MLANA: variants seen among roughly 807,000 people sequenced by gnomAD.
The protein encoded by MLANA is melan-A.
Under a neutral mutation model 15.7 loss-of-function variants are expected in MLANA, and 21 were observed. That is an observed-to-expected ratio of 1.33 (90% confidence interval 0.95 to 1.92). MLANA has a LOEUF of 1.92. MLANA is among the 40% of genes most tolerant of loss of function. The probability of loss-of-function intolerance (pLI) is 0.00; values close to 1 mark genes in which losing one functional copy is unlikely to be tolerated. For synonymous variants in MLANA, 56 were observed against 51.5 expected, an observed-to-expected ratio of 1.09 and a Z score of -0.37; for missense variants, 164 against 143.8, an observed-to-expected ratio of 1.14 and a Z score of -0.72.
intron 3 of MLANA, among the ~76,000 whole-genome samples, chr9:5,902,057 C>T (rs2129956698): frequency 6.6e-6 from 1 of 152,278 alleles, no homozygotes; most frequent in Admixed American, 6.5e-5. Context: ...TTGCTTCTAT[C>T]TTCTGAAAGA....
At chr9:5,897,322 A>G (rs1018506967) in intron 2 of MLANA, among the ~76,000 whole-genome samples, 2 of 152,224 alleles carry the variant, frequency 1.3e-5, no homozygotes, top group Non-Finnish European at 2.9e-5. Context: ...GGGCCATGCC[A>G]ATTAGCAGAG....
In MLANA at chr9:5,896,369, T is replaced by C. The variant is rs75486872; in HGVS notation, c.78-1188T>C. On this transcript the variant is annotated intron_variant, in intron 2 of 4. Coordinates refer to ENST00000381477, the MANE Select transcript of MLANA (RefSeq NM_005511.2). ...TCATAGGTCTCAGCTTCCTGATCTA[T>C]AAAGCGGGTGGACTGACCTACATAA... Among the ~76,000 whole-genome samples the C allele has an allele frequency of 2.7e-3, 406 of 152,344 alleles. 1 individual carries two copies. Among genetic ancestry groups the C allele is most frequent in the Non-Finnish European group, 4.9e-3 (333 of 68,040 alleles).
chr9:5,903,174 T>C (rs921946668), intron 3 of MLANA, among the ~76,000 whole-genome samples: 4 of 152,228 alleles, frequency 2.6e-5, no homozygotes, highest in African/African-American at 4.8e-5. Flanking sequence ...AATTCTATTA[T>C]AGTCTAAGTG....
Sources: gnomAD v4.1 joint callset for allele counts (sites outside exome capture counted in the v4.1 genomes callset) on GRCh38, gnomAD v4.1.1 for gene constraint, MANE v1.5 for transcripts, NCBI Gene and HGNC (gene_info 2026-07-23, HGNC 2026-07-21) for gene names.